The following RIMBP2 variants were observed in gnomAD, a reference collection of about 807,000 sequenced individuals.
RIMBP2 encodes RIMS-binding protein 2.
RIMBP2 carries 48 observed loss-of-function variants against 118.6 expected under a neutral mutation model. That is an observed-to-expected ratio of 0.40 (90% CI 0.32 to 0.51). RIMBP2 has a LOEUF of 0.51. RIMBP2 is among the 20% of genes least tolerant of loss of function. RIMBP2 has a pLI of 0.41. For missense variants in RIMBP2, 1,551 were observed against 1,768.3 expected, an observed-to-expected ratio of 0.88 and a Z score of 2.20; for synonymous variants, 762 against 742.9, an observed-to-expected ratio of 1.03 and a Z score of -0.42.
intron 21 of RIMBP2, among the ~76,000 whole-genome samples, chr12:130,404,773 G>A (rs1241016252): frequency 6.6e-6 from 1 of 152,088 alleles, no homozygotes; most frequent in Non-Finnish European, 1.5e-5. Context: ...AAAAGTATAG[G>A]TTTGTTGTGG....
At chr12:130,454,387 C>T (rs1314028535) in intron 7 of RIMBP2, among the ~76,000 whole-genome samples, 4 of 152,190 alleles carry the variant, frequency 2.6e-5, no homozygotes, top group African/African-American at 9.7e-5. Flanking sequence ...GGAAGAGGGG[C>T]CTGCGCTGTC....
intron 6 of RIMBP2, among the ~76,000 whole-genome samples, chr12:130,462,385 A>AAGCCTGG (rs370224356): frequency 1.3e-3 from 193 of 152,324 alleles, no homozygotes; most frequent in African/African-American, 4.4e-3. Context: ...GCGCTGCCGC[A>AAGCCTGG]AGCCTGGAGA....
intron 2 of RIMBP2, among the ~76,000 whole-genome samples, chr12:130,585,535 C>A (rs1483553796): frequency 1.3e-5 from 2 of 151,530 alleles, no homozygotes; most frequent in Admixed American, 1.3e-4. Context: ...CTGCTTGAGC[C>A]CAGTTGGGGA....
intron 11 of RIMBP2, among the ~76,000 whole-genome samples, chr12:130,441,127 G>A (rs2078086108): frequency 6.6e-6 from 1 of 152,128 alleles, no homozygotes; most frequent in South Asian, 2.1e-4. Flanking sequence ...ACGTATGCAT[G>A]CTTAGAGGCT....
At chr12:130,459,453 T>C (rs990459307) in intron 6 of RIMBP2, among the ~76,000 whole-genome samples, 4 of 152,100 alleles carry the variant, frequency 2.6e-5, no homozygotes, top group African/African-American at 9.7e-5. Context: ...CTCCCCCTGC[T>C]GTCTTTGTAA....
chr12:130,446,019 T>TCCCCC lies in RIMBP2; in HGVS notation c.582-755_582-751dup, dbSNP rs11287921. Among the ~76,000 whole-genome samples the TCCCCC allele has an allele frequency of 1.8e-5, 2 of 112,732 alleles. No individual in the cohort carries two copies. Among genetic ancestry groups the TCCCCC allele is most frequent in the Non-Finnish European group, 3.8e-5 (2 of 52,544 alleles). The allele number at this position is 112,732 out of a possible 152,430, so 74.0% of individuals were successfully genotyped here. A position where few individuals can be genotyped will look rare whatever the true frequency, so the allele number is the denominator to read the frequency against. ...GAAAAACAGACGCATGATTTTATGC[T>TCCCCC]CCCCCCCCCCACACCCCCAGGAATA... On this transcript the variant is annotated intron_variant, in intron 9 of 22. Transcript: ENST00000690449. The surrounding 1 kb of genome is among the most constrained non-coding windows in gnomAD (Gnocchi z 4.1).
chr12:130,690,106 G>C (rs2065244916), intron 1 of RIMBP2, among the ~76,000 whole-genome samples: 1 of 152,158 alleles, frequency 6.6e-6, no homozygotes, highest in African/African-American at 2.4e-5. Flanking sequence ...AGTCAGCAAG[G>C]GCGGGTCAAG....
intron 4 of RIMBP2, among the ~76,000 whole-genome samples, chr12:130,484,799 G>T (rs543264483): frequency 1.3e-5 from 2 of 152,246 alleles, no homozygotes; most frequent in Non-Finnish European, 2.9e-5. Context: ...AGCCATTAAA[G>T]AGCCTGAACA....
At position 130,428,351 on chromosome 12, in the gene RIMBP2, A is replaced by T; in HGVS notation, c.2254-14T>A. 6.3e-7 allele frequency: 1 copy of T among 1,598,152 alleles called. No homozygotes were observed. The highest frequency in any genetic ancestry group is 8.5e-7 in the Non-Finnish European group (1 of 1,171,446). The stretch of plus-strand genomic sequence containing the variant: ...GCAACAGTGCGGCTGGGGGCCAAGA[A>T]AAGGGGCTACTGAGCGGGTGGCTCC... On this transcript the variant is annotated splice_polypyrimidine_tract_variant and intron_variant, in intron 14 of 22. Coordinates refer to ENST00000690449, the MANE Select transcript of RIMBP2 (RefSeq NM_001393629.1).
At chr12:130,506,556 C>A in intron 4 of RIMBP2, 92 bp downstream of exon 4, 1 of 910,438 alleles carries the variant, frequency 1.1e-6, no homozygotes, top group Non-Finnish European at 1.3e-6. Context: ...AGGAGCTTTA[C>A]ATACCTTCTG....
At chr12:130,438,575 T>G in intron 11 of RIMBP2, 59 bp from the exon 12 acceptor site, 1 of 1,436,716 alleles carries the variant, frequency 7.0e-7, no homozygotes, top group Admixed American at 2.6e-5. Context: ...AGGTGAGCCG[T>G]GACTGGGCTC....
chr12:130,448,245 C>T (rs530535466), intron 9 of RIMBP2, among the ~76,000 whole-genome samples: 81 of 152,258 alleles, frequency 5.3e-4, no homozygotes, highest in African/African-American at 1.9e-3. Flanking sequence ...TGTGCTGGCT[C>T]GTCACGCCCC....
chr12:130,565,629 G>C (rs921680688), intron 2 of RIMBP2, among the ~76,000 whole-genome samples: 15 of 152,218 alleles, frequency 9.9e-5, no homozygotes, highest in African/African-American at 3.6e-4. Flanking sequence ...TTAACTCCGA[G>C]ATTCCTGCTA....
rs553361933 is a variant in RIMBP2, at chr12:130,584,391, C to A, written c.-217+43931G>T. 2.8e-5 allele frequency among the ~76,000 whole-genome samples: 4 copies of A among 143,850 alleles called. 1 individual carries two copies. The highest frequency in any genetic ancestry group is 1.0e-4 in the African/African-American group (4 of 38,300). The allele number at this position is 143,850 out of a possible 152,430, so 94.4% of individuals were successfully genotyped here. A position where few individuals can be genotyped will look rare whatever the true frequency, so the allele number is the denominator to read the frequency against. On this transcript the variant is annotated intron_variant, in intron 2 of 22. Coordinates refer to ENST00000690449, the MANE Select transcript of RIMBP2 (RefSeq NM_001393629.1). ...ATCACCTCACCACCATCACCACCAT[C>A]ACCTCATCGCCATCACCACCATCAC...
At chr12:130,612,598 C>T (rs2060625720) in intron 2 of RIMBP2, among the ~76,000 whole-genome samples, 1 of 152,206 alleles carries the variant, frequency 6.6e-6, no homozygotes, top group African/African-American at 2.4e-5. Flanking sequence ...ATAATTAAAA[C>T]ACCATTTGAC....
intron 1 of RIMBP2, among the ~76,000 whole-genome samples, chr12:130,679,264 C>T (rs2064654398): frequency 6.6e-6 from 1 of 152,180 alleles, no homozygotes; most frequent in South Asian, 2.1e-4. Context: ...TTCCAGTTCG[C>T]TGGATTTGAC....
rs556635308 is a variant in RIMBP2 at position 130,581,667 on chromosome 12, G to A, written c.-217+46655C>T. 5.9e-5 allele frequency among the ~76,000 whole-genome samples: 9 copies of A among 152,218 alleles called. No homozygotes were observed. Among genetic ancestry groups the A allele is most frequent in the African/African-American group, 2.2e-4 (9 of 41,536 alleles). On this transcript the variant is annotated intron_variant, in intron 2 of 22. Transcript: ENST00000690449. The surrounding 1 kb of genome is among the most constrained non-coding windows in gnomAD (Gnocchi z 4.4). ...TGGACTCTGACTTCAGGACATACCC[G>A]GAACGTAAGTACTTTCTCCACAGCT...
rs2136479633 is a variant in RIMBP2 at position 130,412,785 on chromosome 12, A to C, written c.3423T>G (p.Val1141=). 1 of 1,609,734 alleles carries C rather than the reference A, an allele frequency of 6.2e-7. No homozygotes were observed. Among genetic ancestry groups the C allele is most frequent in the Admixed American group, 1.7e-5 (1 of 58,924 alleles). ...LPFKEGQIIK[V]YGDKDADGFY... The stretch of plus-strand genomic sequence containing the variant: ...ATCCATCAGCGTCTTTATCACCATA[A>C]ACCTAGAGCCAAGGGGGAAAATAAA... The change falls in exon 19 of 23, where the codon GTT becomes GTG. Residue 1141 remains valine, a splice_region_variant and synonymous_variant. Transcript: ENST00000690449.
intron 7 of RIMBP2, among the ~76,000 whole-genome samples, chr12:130,454,879 G>C (rs1446993760): frequency 6.6e-6 from 1 of 152,200 alleles, no homozygotes; most frequent in Middle Eastern, 3.2e-3. Context: ...CAGCTTGCAA[G>C]GTGGGTCACT....
Sources: allele counts gnomAD v4.1 joint callset (sites outside exome capture counted in the v4.1 genomes callset), GRCh38; gene constraint gnomAD v4.1.1; non-coding constraint Gnocchi (gnomAD v3.1); transcripts MANE v1.5; gene names NCBI Gene and HGNC (gene_info 2026-07-23, HGNC 2026-07-21).